Variants in SMYD3 observed in about 807,000 individuals in gnomAD.
SMYD3 encodes the protein SET and MYND domain containing 3.
SMYD3 carries 36 observed loss-of-function variants against 57.7 expected under a neutral mutation model. The ratio of observed to expected loss-of-function variants is 0.62; its 90% CI spans 0.48 to 0.82. The LOEUF (loss-of-function observed/expected upper bound fraction) is 0.82, where lower values mean the gene tolerates loss of function less well. Ranked by LOEUF, SMYD3 falls within the 40% of genes least tolerant of loss-of-function variation. SMYD3 has a pLI of 0.00. For synonymous variants in SMYD3, 211 were observed against 195.0 expected, an observed-to-expected ratio of 1.08 and a Z score of -0.68; for missense variants, 515 against 538.8, an observed-to-expected ratio of 0.96 and a Z score of 0.44.
At chr1:245,880,827 C>G (rs537039001) in intron 8 of SMYD3, among the ~76,000 whole-genome samples, 10 of 152,334 alleles carry the variant, frequency 6.6e-5, no homozygotes, top group East Asian at 1.9e-4. Flanking sequence ...AACTAAGACC[C>G]TGATGTAAGT....
intron 1 of SMYD3, among the ~76,000 whole-genome samples, chr1:246,418,097 T>C (rs79600815): frequency 0.065 from 9,825 of 152,274 alleles, 356 homozygotes; most frequent in Middle Eastern, 0.18. Context: ...TTTATATGCC[T>C]CTTCCCCTGT....
chr1:245,796,374 T>C (rs1000615942), intron 10 of SMYD3, among the ~76,000 whole-genome samples: 2 of 152,114 alleles, frequency 1.3e-5, no homozygotes, highest in Non-Finnish European at 2.9e-5. Flanking sequence ...GGAGACTGAT[T>C]TCTTGTAACC....
chr1:246,323,004 A>G (rs2065275450), intron 5 of SMYD3, among the ~76,000 whole-genome samples: 1 of 152,206 alleles, frequency 6.6e-6, no homozygotes, highest in South Asian at 2.1e-4. Flanking sequence ...AGGAGGTTGG[A>G]GGAATCAACA....
chr1:246,461,501 A>G (rs1285378012), intron 1 of SMYD3, among the ~76,000 whole-genome samples: 4 of 152,210 alleles, frequency 2.6e-5, no homozygotes, highest in South Asian at 4.1e-4. Flanking sequence ...GAAATCATAT[A>G]AAGCACAGCA....
chr1:246,065,943 T>C (rs1416067), intron 5 of SMYD3, among the ~76,000 whole-genome samples: 73,363 of 152,118 alleles, frequency 0.48, 20,813 homozygotes, highest in Non-Finnish European at 0.64. Flanking sequence ...AAATTTTCAT[T>C]TCATTTTTTT....
At chr1:246,240,560 T>A (rs1055653098) in intron 5 of SMYD3, among the ~76,000 whole-genome samples, 3 of 151,008 alleles carry the variant, frequency 2.0e-5, no homozygotes, top group African/African-American at 7.4e-5. Context: ...CTTAGGATTG[T>A]CTTGGCAATA....
intron 5 of SMYD3, among the ~76,000 whole-genome samples, chr1:246,097,307 T>A (rs1196444316): frequency 6.6e-6 from 1 of 152,058 alleles, no homozygotes; most frequent in Non-Finnish European, 1.5e-5. Context: ...TGATTCCCTG[T>A]TCTATGCCTC....
At chr1:246,273,501 T>C (rs2064268291) in intron 5 of SMYD3, among the ~76,000 whole-genome samples, 1 of 151,916 alleles carries the variant, frequency 6.6e-6, no homozygotes, top group Admixed American at 6.6e-5. Flanking sequence ...ATCTTCTTTT[T>C]TCTTAGTCCA....
In SMYD3 at chr1:246,492,052, T is replaced by TA. The variant is rs772205741; in HGVS notation, c.164+15001dup. Among the ~76,000 whole-genome samples, 55 of 151,956 alleles carry TA rather than the reference T, an allele frequency of 3.6e-4. 2 individuals carry two copies. In the East Asian group the frequency reaches 6.4e-3, roughly 18 times the overall value. On this transcript the variant is annotated intron_variant, in intron 1 of 11. Coordinates refer to ENST00000490107, the MANE Select transcript of SMYD3 (RefSeq NM_001167740.2). ...TATAAGTGACATTTCCAAGTAAGAA[T>TA]AAAAAAAACTGTTAGTAGGCAATTC...
At chr1:246,142,763 G>A (rs2061778428) in intron 5 of SMYD3, among the ~76,000 whole-genome samples, 1 of 152,134 alleles carries the variant, frequency 6.6e-6, no homozygotes, top group Admixed American at 6.5e-5. Context: ...CAGATAAGGG[G>A]GGCACTGCTG....
chr1:246,130,084 G>T (rs1235140231), intron 5 of SMYD3, among the ~76,000 whole-genome samples: 2 of 152,110 alleles, frequency 1.3e-5, no homozygotes. Flanking sequence ...CAGAAAACAG[G>T]TTCCCCAGAG....
chr1:246,310,251 G>A (rs1335592077), intron 5 of SMYD3, among the ~76,000 whole-genome samples: 1 of 152,032 alleles, frequency 6.6e-6, no homozygotes, highest in Non-Finnish European at 1.5e-5. Context: ...AGAAATCGGA[G>A]GCAAGTCTAC....
At chr1:246,408,922 G>A (rs924503560) in intron 1 of SMYD3, among the ~76,000 whole-genome samples, 59 of 152,092 alleles carry the variant, frequency 3.9e-4, no homozygotes, top group African/African-American at 6.7e-4. Context: ...TGCCCGCTTC[G>A]GTCTCCCAAA....
rs144879088 is a variant in SMYD3 at position 246,202,432 on chromosome 1, C to T, written c.531+124769G>A. The stretch of plus-strand genomic sequence containing the variant: ...CTTTTTCCAACCAAGTCAGAGGACT[C>T]CTGCTACTGCAAACCCCAGGCTGGG... On this transcript the variant is annotated intron_variant, in intron 5 of 11. Transcript: ENST00000490107. The surrounding 1 kb of genome is among the most constrained non-coding windows in gnomAD (Gnocchi z 4.1). 3.3e-5 allele frequency among the ~76,000 whole-genome samples: 5 copies of T among 152,274 alleles called. No individual in the cohort carries two copies. The highest frequency in any genetic ancestry group is 1.2e-4 in the African/African-American group (5 of 41,560).
chr1:246,326,335 G>T lies in SMYD3; in HGVS notation c.531+866C>A, dbSNP rs542518588. On this transcript the variant is annotated intron_variant, in intron 5 of 11. Coordinates refer to ENST00000490107, the MANE Select transcript of SMYD3 (RefSeq NM_001167740.2). Reference sequence around the variant, plus strand: ...ACAGCAGATCCATAGCAGTGAGGGGGTGTTTCTGTCATCCCTATCCCAGGG... The same window carrying T: ...ACAGCAGATCCATAGCAGTGAGGGGTTGTTTCTGTCATCCCTATCCCAGGG... 1,084 of 688,276 alleles carry T rather than the reference G, an allele frequency of 1.6e-3. 4 individuals are homozygous for T. Among genetic ancestry groups the T allele is most frequent in the South Asian group, 3.9e-3 (243 of 61,566 alleles). 42.6% of individuals were successfully genotyped at this position (688,276 alleles called of 1,614,324 possible). A position where few individuals can be genotyped will look rare whatever the true frequency, so the allele number is the denominator to read the frequency against.
intron 1 of SMYD3, among the ~76,000 whole-genome samples, chr1:246,423,074 G>A (rs989231029): frequency 1.3e-5 from 2 of 152,126 alleles, no homozygotes; most frequent in Admixed American, 6.5e-5. Flanking sequence ...CAAGGCAGGC[G>A]GATCATGAGG....
At chr1:245,886,292 CAA>C (rs1276601370) in intron 8 of SMYD3, among the ~76,000 whole-genome samples, 2 of 151,842 alleles carry the variant, frequency 1.3e-5, no homozygotes, top group African/African-American at 4.8e-5. Context: ...CATATCAAAA[CAA>C]GAGAAAGAGA....
rs373873546 is a variant in SMYD3, at chr1:246,151,106, C to A, written c.531+176095G>T. 6.6e-5 allele frequency among the ~76,000 whole-genome samples: 10 copies of A among 152,138 alleles called. No individual in the cohort carries two copies. The East Asian group carries it at 1.7e-3, about 27-fold the overall frequency. The stretch of plus-strand genomic sequence containing the variant: ...ACTAAAAATCCAAAAATTAGCCAGG[C>A]GCGGTGGCGGGCACCTGTAATCCCA... On this transcript the variant is annotated intron_variant, in intron 5 of 11. Transcript: ENST00000490107.
chr1:245,984,063 G>A (rs867887772), intron 5 of SMYD3, among the ~76,000 whole-genome samples: 9 of 149,808 alleles, frequency 6.0e-5, no homozygotes, highest in Admixed American at 2.7e-4. Flanking sequence ...GCAATGGCGC[G>A]GTCTCGGCTC....
Sources: allele counts gnomAD v4.1 joint callset (sites outside exome capture counted in the v4.1 genomes callset), GRCh38; gene constraint gnomAD v4.1.1; non-coding constraint Gnocchi (gnomAD v3.1); transcripts MANE v1.5; gene names NCBI Gene and HGNC (gene_info 2026-07-23, HGNC 2026-07-21).